Variants in DNER observed in about 807,000 individuals in gnomAD.
DNER encodes the protein delta/notch like EGF repeat containing, also known as delta and Notch-like epidermal growth factor-related receptor.
In DNER, 33 loss-of-function variants were observed where a neutral mutation model predicts 78.2. The ratio of observed to expected loss-of-function variants is 0.42; its 90% CI spans 0.32 to 0.56. The LOEUF (loss-of-function observed/expected upper bound fraction) is 0.56. Ranked by LOEUF, DNER falls within the 20% of genes least tolerant of loss-of-function variation. The probability of loss-of-function intolerance (pLI) is 0.11; values close to 1 mark genes in which losing one functional copy is unlikely to be tolerated. For missense variants in DNER, 918 were observed against 975.3 expected, an observed-to-expected ratio of 0.94 and a Z score of 0.78; for synonymous variants, 417 against 384.8, an observed-to-expected ratio of 1.08 and a Z score of -0.98.
At chr2:229,637,130 T>C (rs1268452754) in intron 1 of DNER, among the ~76,000 whole-genome samples, 1 of 152,162 alleles carries the variant, frequency 6.6e-6, no homozygotes, top group Non-Finnish European at 1.5e-5. Context: ...CCAGCTGATC[T>C]TCCCCAACCC....
Position 229,714,369 on chromosome 2 carries a change from G to A in DNER, c.55C>T (p.Leu19=). 1.6e-6 allele frequency: 2 copies of A among 1,217,368 alleles called. No individual in the cohort carries two copies. Among genetic ancestry groups the A allele is most frequent in the Non-Finnish European group, 2.0e-6 (2 of 981,656 alleles). The allele number at this position is 1,217,368 out of a possible 1,614,324, so 75.4% of individuals were successfully genotyped here. A position where few individuals can be genotyped will look rare whatever the true frequency, so the allele number is the denominator to read the frequency against. Reference sequence around the variant, plus strand: ...CCCGCTCCGAGCAGCAGCAGCAGCAGGGCCAGCGCGGGCAGCAGCTGCGCA... The same window carrying A: ...CCCGCTCCGAGCAGCAGCAGCAGCAAGGCCAGCGCGGGCAGCAGCTGCGCA... ...PGAQLLPALA[L]LLLLLGAGPR... is the part of the protein sequence containing the mutation. Residue 19 remains leucine, a synonymous_variant, in exon 1 of 13, where the codon CTG becomes TTG. Transcript: ENST00000341772.
intron 4 of DNER, among the ~76,000 whole-genome samples, chr2:229,581,812 A>C (rs73998283): frequency 0.099 from 15,092 of 152,200 alleles, 1,558 homozygotes; most frequent in African/African-American, 0.26. Flanking sequence ...TCCCAAAGAC[A>C]CAGAAGGAAC....
At chr2:229,649,526 C>A (rs761523675) in intron 1 of DNER, among the ~76,000 whole-genome samples, 2 of 152,150 alleles carry the variant, frequency 1.3e-5, no homozygotes, top group Admixed American at 1.3e-4. Context: ...TCTCAGCTAC[C>A]AATACGATGT....
chr2:229,667,934 G>A (rs1035243535), intron 1 of DNER, among the ~76,000 whole-genome samples: 1 of 152,206 alleles, frequency 6.6e-6, no homozygotes, highest in African/African-American at 2.4e-5. Flanking sequence ...ATTTGGCCAT[G>A]GAGGGACTCA....
chr2:229,387,503 GAAAGAGAGAA>G (rs1559337828), intron 11 of DNER, among the ~76,000 whole-genome samples: 53 of 104,876 alleles, frequency 5.1e-4, no homozygotes, highest in African/African-American at 1.7e-3. Flanking sequence ...AAGAAAGAAA[GAAAGAGAGAA>G]AGAAAGAAAG....
At chr2:229,658,627 T>C (rs190806861) in intron 1 of DNER, among the ~76,000 whole-genome samples, 1 of 152,216 alleles carries the variant, frequency 6.6e-6, no homozygotes, top group Non-Finnish European at 1.5e-5. Context: ...GGGAGGGAGT[T>C]GTTTTTATTT....
chr2:229,683,033 T>G (rs1458745605), intron 1 of DNER, among the ~76,000 whole-genome samples: 6 of 152,164 alleles, frequency 3.9e-5, no homozygotes, highest in African/African-American at 1.4e-4. Flanking sequence ...AGTTAATTAT[T>G]TAACATATTA....
intron 7 of DNER, among the ~76,000 whole-genome samples, chr2:229,447,883 A>G (rs770925996): frequency 2.6e-5 from 4 of 152,172 alleles, no homozygotes; most frequent in African/African-American, 4.8e-5. Flanking sequence ...GTAATTTCCT[A>G]AAGGAATATG....
At chr2:229,697,031 A>G (rs999041648) in intron 1 of DNER, among the ~76,000 whole-genome samples, 35 of 152,304 alleles carry the variant, frequency 2.3e-4, no homozygotes, top group African/African-American at 8.4e-4. Flanking sequence ...AGACTCAAAC[A>G]CACACTTGTA....
At chr2:229,503,667 G>T (rs1013293630) in intron 6 of DNER, among the ~76,000 whole-genome samples, 2 of 152,166 alleles carry the variant, frequency 1.3e-5, no homozygotes, top group African/African-American at 4.8e-5. Context: ...TGACGGACTG[G>T]ACTGATAACT....
chr2:229,564,298 C>CA (rs1697050599), intron 4 of DNER, among the ~76,000 whole-genome samples: 12 of 111,642 alleles, frequency 1.1e-4, no homozygotes, highest in East Asian at 3.3e-4. Flanking sequence ...CATCATCATC[C>CA]TCCTCACCCC....
At position 229,446,073 on chromosome 2, in the gene DNER, G is replaced by A. The variant is rs552488364; in HGVS notation, c.1486+1243C>T. ...CTGGAGCAGCAAAACCAGGGACACC[G>A]GCATTCGAATCTGGGCTCAGCCCCC... On this transcript the variant is annotated intron_variant, in intron 8 of 12. Coordinates refer to ENST00000341772, the MANE Select transcript of DNER (RefSeq NM_139072.4). Among the ~76,000 whole-genome samples, 14 of 152,296 alleles carry A rather than the reference G, an allele frequency of 9.2e-5. No individual in the cohort carries two copies. The South Asian group carries it at 2.1e-3, about 23-fold the overall frequency.
intron 4 of DNER, among the ~76,000 whole-genome samples, chr2:229,564,090 CCAT>C (rs1261170187): frequency 7.0e-6 from 1 of 142,090 alleles, no homozygotes; most frequent in African/African-American, 2.6e-5. Context: ...CACCCCATCA[CCAT>C]CATCATCAAC....
intron 7 of DNER, among the ~76,000 whole-genome samples, chr2:229,464,652 T>G (rs113143684): frequency 1.2e-3 from 190 of 152,280 alleles, no homozygotes; most frequent in Admixed American, 3.6e-3. Context: ...TTCAAGACTT[T>G]CCATTCTAGT....
chr2:229,620,735 G>A (rs191720968), intron 1 of DNER, among the ~76,000 whole-genome samples: 63 of 152,290 alleles, frequency 4.1e-4, no homozygotes, highest in African/African-American at 1.5e-3. Context: ...CCCATCCCTC[G>A]GTATGTCAGA....
intron 7 of DNER, among the ~76,000 whole-genome samples, chr2:229,452,507 C>T (rs1287649762): frequency 6.6e-6 from 1 of 152,170 alleles, no homozygotes. Context: ...AAAAAGACGG[C>T]CGCCATAACC....
intron 11 of DNER, among the ~76,000 whole-genome samples, chr2:229,371,868 G>C (rs991511456): frequency 6.6e-6 from 1 of 152,162 alleles, no homozygotes; most frequent in Admixed American, 6.5e-5. Context: ...TTTTTAAAAA[G>C]ACTGTTTCTT....
intron 8 of DNER, among the ~76,000 whole-genome samples, chr2:229,446,595 G>A (rs1299339629): frequency 1.3e-5 from 2 of 152,188 alleles, no homozygotes; most frequent in African/African-American, 4.8e-5. Flanking sequence ...TGTAAGGATG[G>A]AGACATACAC....
intron 6 of DNER, among the ~76,000 whole-genome samples, chr2:229,495,249 G>A (rs1574869117): frequency 1.3e-5 from 2 of 152,124 alleles, no homozygotes; most frequent in Non-Finnish European, 2.9e-5. Flanking sequence ...CAAAATACTA[G>A]AATGTAGCTC....
Sources: gnomAD v4.1 joint callset for allele counts (sites outside exome capture counted in the v4.1 genomes callset) on GRCh38, gnomAD v4.1.1 for gene constraint, MANE v1.5 for transcripts, NCBI Gene and HGNC (gene_info 2026-07-23, HGNC 2026-07-21) for gene names.